Variants in RORC observed in about 807,000 individuals in gnomAD.
RORC encodes the protein RAR related orphan receptor C, also known as nuclear receptor ROR-gamma.
A neutral mutation model predicts 64.5 loss-of-function variants in RORC; 13 were observed. The ratio of observed to expected loss-of-function variants is 0.20; its 90% CI spans 0.13 to 0.32. The LOEUF is 0.32. Ranked by LOEUF, RORC falls within the 10% of genes least tolerant of loss-of-function variation. RORC has a pLI of 1.00. For synonymous variants in RORC, 277 were observed against 259.3 expected (o/e 1.07, Z -0.65); for missense variants, 468 against 669.5 (o/e 0.70, Z 3.32).
chr1:151,813,043 T>C lies in RORC; in HGVS notation c.1189A>G (p.Ile397Val), dbSNP rs1651599773. The change falls in exon 9 of 11, where the codon ATC (isoleucine) becomes GTC (valine). Residue 397 changes from isoleucine (I) to valine (V), a missense_variant. By Grantham distance (29) the Ile-to-Val change is conservative. Transcript: ENST00000318247. ...TGGGAGAAGTCAAAGATGGAGCTGA[T>C]GAGCTCGCTGCAGCCTGATGGAGTG... ...LFRALGCSELISSIFDFSHSL... is the reference protein window; with the variant it reads ...LFRALGCSELVSSIFDFSHSL... The C allele has an allele frequency of 2.5e-6, 4 of 1,613,390 alleles. No individual in the cohort carries two copies. The highest frequency in any genetic ancestry group is 2.7e-5 in the African/African-American group (2 of 74,916).
At chr1:151,814,775 C>T (rs1651684571) in intron 5 of RORC, 80 bp from the exon 6 acceptor site, 2 of 1,557,804 alleles carry the variant, frequency 1.3e-6, no homozygotes, top group Non-Finnish European at 1.7e-6. Flanking sequence ...CTCAGCCTGG[C>T]CTATCCTGCT....
At chr1:151,812,748 G>T in intron 9 of RORC, 199 bp downstream of exon 9, 1 of 488,444 alleles carries the variant, frequency 2.0e-6, no homozygotes, top group Non-Finnish European at 3.7e-6. Flanking sequence ...CCCACCTTAT[G>T]CTGCTCTTGT....
chr1:151,831,681 C>T, intron 1 of RORC, 44 bp downstream of exon 1: 1 of 1,610,230 alleles, frequency 6.2e-7, no homozygotes, highest in Non-Finnish European at 8.5e-7. Flanking sequence ...CTCTGAACCT[C>T]CAGCAGTCTC....
rs1452787585 is a variant in RORC, at chr1:151,814,949, T to C, written c.775A>G (p.Thr259Ala). ...AGGGAGGCATAGGGTGCCTCCGGTG[T>C]GCTGCGGAAACTGGGGCTGCCGTAG... is the stretch of plus-strand genomic sequence containing the variant. Reference protein sequence around the residue: ...DSYGSPSFRSTPEAPYASLTE... With the variant: ...DSYGSPSFRSAPEAPYASLTE... Residue 259 changes from threonine (T) to alanine (A), a missense_variant, in exon 5 of 11, where the codon ACA (threonine) becomes GCA (alanine). Thr to Ala is a moderately conservative substitution (Grantham distance 58). Transcript: ENST00000318247. The C allele has an allele frequency of 6.2e-7, 1 of 1,614,108 alleles. No homozygotes were observed. Among genetic ancestry groups the C allele is most frequent in the Non-Finnish European group, 8.5e-7 (1 of 1,179,990 alleles).
chr1:151,820,035 G>A (rs1009692712), intron 2 of RORC, among the ~76,000 whole-genome samples: 10 of 152,122 alleles, frequency 6.6e-5, no homozygotes, highest in African/African-American at 2.4e-4. Flanking sequence ...ATGGAGAGAC[G>A]GCTGCGGAAA....
chr1:151,829,356 A>C (rs1277400935), intron 2 of RORC, 73 bp downstream of exon 2: 2 of 1,417,092 alleles, frequency 1.4e-6, no homozygotes, highest in East Asian at 5.4e-5. Context: ...CAGTCCCCCC[A>C]CAGATCACTT....
chr1:151,807,731 T>C lies in RORC; in HGVS notation c.1396-98A>G, dbSNP rs1408209522. 5 of 1,325,830 alleles carry C rather than the reference T, an allele frequency of 3.8e-6. No individual in the cohort carries two copies. The highest frequency in any genetic ancestry group is 4.6e-5 in the East Asian group (2 of 43,068). The allele number at this position is 1,325,830 out of a possible 1,614,324, so 82.1% of individuals were successfully genotyped here. ...TTCCTGGGCTAGGACAAACCCTCCTTGCCTTCCCCTTATGTACTTGGCACT... is the reference window on the plus strand; with the variant it reads ...TTCCTGGGCTAGGACAAACCCTCCTCGCCTTCCCCTTATGTACTTGGCACT... On this transcript the variant is annotated intron_variant, in intron 10 of 10. Coordinates refer to ENST00000318247, the MANE Select transcript of RORC (RefSeq NM_005060.4). This position sits in a 1 kb window ranked among gnomAD's most constrained non-coding sequence, Gnocchi z 5.0.
intron 4 of RORC, among the ~76,000 whole-genome samples, chr1:151,816,204 C>A (rs1651748801): frequency 6.6e-6 from 1 of 152,294 alleles, no homozygotes; most frequent in South Asian, 2.1e-4. Flanking sequence ...CACCAGCCCT[C>A]CCCCACGACC....
chr1:151,828,746 C>T (rs1652288656), intron 2 of RORC, among the ~76,000 whole-genome samples: 1 of 152,006 alleles, frequency 6.6e-6, no homozygotes, highest in South Asian at 2.1e-4. Flanking sequence ...TTTGGGAGGC[C>T]GAGAGGGGTG....
At chr1:151,811,684 CT>C in intron 9 of RORC, 2 of 328,280 alleles carry the variant, frequency 6.1e-6, no homozygotes, top group South Asian at 1.2e-4. Flanking sequence ...TACCTTCTCC[CT>C]GGTAACCTGA....
At chr1:151,824,186 T>A (rs1004362866) in intron 2 of RORC, among the ~76,000 whole-genome samples, 3 of 152,184 alleles carry the variant, frequency 2.0e-5, no homozygotes, top group Admixed American at 1.3e-4. Context: ...TGGGGTCAGA[T>A]AACTTGGGGC....
intron 10 of RORC, among the ~76,000 whole-genome samples, chr1:151,810,670 T>C (rs1467450013): frequency 6.6e-6 from 1 of 152,138 alleles, no homozygotes; most frequent in Non-Finnish European, 1.5e-5. Flanking sequence ...TAGCTGGGTC[T>C]ACAGGCGCCT....
rs1261992367 is a variant in RORC at position 151,807,262 on chromosome 1, T to C, written c.*210A>G. On this transcript the variant is annotated 3_prime_UTR_variant, in exon 11 of 11. Coordinates refer to ENST00000318247, the MANE Select transcript of RORC (RefSeq NM_005060.4). The surrounding 1 kb of genome is among the most constrained non-coding windows in gnomAD (Gnocchi z 5.0). Reference sequence around the variant, plus strand: ...GACAGGTCAAAGCTGAGGCTGGAGATGGTGTTCTGCCAGCCCCACCCTCTG... The same window carrying C: ...GACAGGTCAAAGCTGAGGCTGGAGACGGTGTTCTGCCAGCCCCACCCTCTG... The C allele has an allele frequency of 1.9e-6, 1 of 530,014 alleles. No homozygotes were observed. The highest frequency in any genetic ancestry group is 3.4e-6 in the Non-Finnish European group (1 of 298,192). The allele number at this position is 530,014 out of a possible 1,614,324, so 32.8% of individuals were successfully genotyped here. A position where few individuals can be genotyped will look rare whatever the true frequency, so the allele number is the denominator to read the frequency against.
In RORC at chr1:151,811,427, T is replaced by G; in HGVS notation, c.1293A>C (p.Pro431=). ...CTACTTTCCTTTTCTCTTGGAGCCC[T>G]GGCCGATCTGGAGGAGGGGGTGGGA... ...TALVLINAHR[P]GLQEKRKVEQ... is the part of the protein sequence containing the mutation. Residue 431 remains proline, a synonymous_variant, in exon 10 of 11, where the codon CCA becomes CCC. Transcript: ENST00000318247. The G allele has an allele frequency of 6.2e-7, 1 of 1,610,008 alleles. No homozygotes were observed. The highest frequency in any genetic ancestry group is 2.2e-5 in the East Asian group (1 of 44,864).
chr1:151,823,842 A>C (rs1055873303), intron 2 of RORC, among the ~76,000 whole-genome samples: 1 of 152,074 alleles, frequency 6.6e-6, no homozygotes, highest in Non-Finnish European at 1.5e-5. Flanking sequence ...ACAGCGGCTC[A>C]CTTTGTTGCC....
chr1:151,822,822 A>AG (rs2101670129), intron 2 of RORC, among the ~76,000 whole-genome samples: 1 of 152,360 alleles, frequency 6.6e-6, no homozygotes, highest in East Asian at 1.9e-4. Context: ...GCCCCAGGGA[A>AG]GGGGCTGCAC....
Position 151,813,225 on chromosome 1 carries a change from T to C in RORC, c.1174+14A>G, listed in dbSNP as rs765872667. ...GCATCAGAATCTTCCCTCTCATTTCTCCCTGCCCCTCACCCAAGGCTCGGA... is the reference window on the plus strand; with the variant it reads ...GCATCAGAATCTTCCCTCTCATTTCCCCCTGCCCCTCACCCAAGGCTCGGA... On this transcript the variant is annotated intron_variant, in intron 8 of 10. Transcript: ENST00000318247. 1.2e-5 allele frequency: 20 copies of C among 1,608,560 alleles called. No homozygotes were observed. Among genetic ancestry groups the C allele is most frequent in the East Asian group, 4.5e-5 (2 of 44,862 alleles).
chr1:151,825,560 G>T (rs757679033), intron 2 of RORC, among the ~76,000 whole-genome samples: 1 of 152,174 alleles, frequency 6.6e-6, no homozygotes, highest in African/African-American at 2.4e-5. Context: ...AGGAGAGTGC[G>T]TTCAGGGCCC....
At position 151,830,693 on chromosome 1, in the gene RORC, T is replaced by C. The variant is rs1051073080; in HGVS notation, c.40+1032A>G. Among the ~76,000 whole-genome samples, 44 of 139,380 alleles carry C rather than the reference T, an allele frequency of 3.2e-4. No homozygotes were observed. Among genetic ancestry groups the C allele is most frequent in the East Asian group, 2.7e-3 (12 of 4,462 alleles). The allele number at this position is 139,380 out of a possible 152,430, so 91.4% of individuals were successfully genotyped here. On this transcript the variant is annotated intron_variant, in intron 1 of 10. Coordinates refer to ENST00000318247, the MANE Select transcript of RORC (RefSeq NM_005060.4). The surrounding 1 kb of genome is among the most constrained non-coding windows in gnomAD (Gnocchi z 4.0). Reference sequence around the variant, plus strand: ...CTTCTGCCCGGGAGATGCTCCCCACTGGCAGGCCGTGGTCACTAGGCTGTG... The same window carrying C: ...CTTCTGCCCGGGAGATGCTCCCCACCGGCAGGCCGTGGTCACTAGGCTGTG...
Sources: gnomAD v4.1 joint callset for allele counts (sites outside exome capture counted in the v4.1 genomes callset) on GRCh38, gnomAD v4.1.1 for gene constraint, Gnocchi (gnomAD v3.1) non-coding constraint, MANE v1.5 for transcripts, NCBI Gene and HGNC (gene_info 2026-07-23, HGNC 2026-07-21) for gene names.